SCARA3: variants seen among roughly 807,000 people sequenced by gnomAD.
SCARA3 encodes the protein scavenger receptor class A member 3, also known as cellular stress response gene protein.
A neutral mutation model predicts 47.0 loss-of-function variants in SCARA3; 39 were observed. The ratio of observed to expected loss-of-function variants is 0.83; its 90% CI spans 0.64 to 1.08. SCARA3 has a LOEUF of 1.08. Ranked by LOEUF, SCARA3 falls within the 50% of genes least tolerant of loss-of-function variation. SCARA3 has a pLI of 0.00. For missense variants in SCARA3, 724 were observed against 792.3 expected, an observed-to-expected ratio of 0.91 and a Z score of 1.04; for synonymous variants, 356 against 334.1, an observed-to-expected ratio of 1.07 and a Z score of -0.71.
At chr8:27,646,844 C>T (rs962232511) in intron 1 of SCARA3, among the ~76,000 whole-genome samples, 1 of 152,046 alleles carries the variant, frequency 6.6e-6, no homozygotes. Flanking sequence ...GGCAGATTGA[C>T]GATGGGACAG....
At chr8:27,673,584 A>T (rs1215946275), downstream of SCARA3, among the ~76,000 whole-genome samples, 1 of 152,156 alleles carries the variant, frequency 6.6e-6, no homozygotes, top group Non-Finnish European at 1.5e-5. Flanking sequence ...GGAAGTGAGC[A>T]AAAGGGCAGG....
chr8:27,660,838 CTAGCTAGA>C (rs1277568174), intron 5 of SCARA3, among the ~76,000 whole-genome samples: 360 of 49,788 alleles, frequency 7.2e-3, no homozygotes, highest in Middle Eastern at 0.025. Context: ...AGATAGCTAG[CTAGCTAGA>C]TAGATAGATA....
downstream of SCARA3, chr8:27,673,091 T>C (rs1364579207): frequency 1.3e-6 from 1 of 756,560 alleles, no homozygotes; most frequent in African/African-American, 1.9e-5. Context: ...CAGGTGGGCC[T>C]CTGAAGGAGA....
chr8:27,670,418 C>T (rs536497484), intron 5 of SCARA3, among the ~76,000 whole-genome samples: 1 of 152,334 alleles, frequency 6.6e-6, no homozygotes, highest in South Asian at 2.1e-4. Flanking sequence ...ACTGACCTTT[C>T]TCTGGGCTGT....
At chr8:27,705,564 G>C in the SCARA3 span, among the ~76,000 whole-genome samples, 1 of 152,218 alleles carries the variant, frequency 6.6e-6, no homozygotes, top group South Asian at 2.1e-4. Flanking sequence ...AATTTACTTG[G>C]CCCTTCCAAA....
At position 27,634,149 on chromosome 8, in the gene SCARA3, C is replaced by T; in HGVS notation, c.-52C>T. 1.4e-6 allele frequency: 2 copies of T among 1,451,934 alleles called. No homozygotes were observed. Among genetic ancestry groups the T allele is most frequent in the African/African-American group, 1.5e-5 (1 of 68,210 alleles). The allele number at this position is 1,451,934 out of a possible 1,614,324, so 89.9% of individuals were successfully genotyped here. ...ATCCGCCGGCCGCCCGGCTCCACTA[C>T]AGCTCCAGCCGCCTGCAGCGGGGCC... On this transcript the variant is annotated 5_prime_UTR_variant, in exon 1 of 6. Coordinates refer to ENST00000301904, the MANE Select transcript of SCARA3 (RefSeq NM_016240.3).
At position 27,646,980 on chromosome 8, in the gene SCARA3, C is replaced by G. The variant is rs1170408840; in HGVS notation, c.8-2722C>G. Among the ~76,000 whole-genome samples the G allele has an allele frequency of 1.8e-4, 20 of 113,208 alleles. 1 individual carries two copies. The highest frequency in any genetic ancestry group is 4.4e-4 in the South Asian group (1 of 2,296). The allele number at this position is 113,208 out of a possible 152,430, so 74.3% of individuals were successfully genotyped here. On this transcript the variant is annotated intron_variant, in intron 1 of 5. Transcript: ENST00000301904. The stretch of plus-strand genomic sequence containing the variant: ...CACCCCTGACCGCCCCCGCCCCCCC[C>G]CCGCACACACACACTATTGCCCCGG...
intron 3 of SCARA3, among the ~76,000 whole-genome samples, chr8:27,652,896 A>G (rs1049669306): frequency 6.6e-6 from 1 of 152,186 alleles, no homozygotes; most frequent in African/African-American, 2.4e-5. Context: ...CCCAGGCCTT[A>G]GTCATTTGTA....
the SCARA3 span, among the ~76,000 whole-genome samples, chr8:27,695,642 C>A: frequency 6.6e-6 from 1 of 152,106 alleles, no homozygotes; most frequent in Non-Finnish European, 1.5e-5. Context: ...AGGAAAATAT[C>A]GTCATAATGA....
At chr8:27,705,324 C>G in the SCARA3 span, among the ~76,000 whole-genome samples, 1 of 152,238 alleles carries the variant, frequency 6.6e-6, no homozygotes, top group Non-Finnish European at 1.5e-5. Context: ...GCTGCGGGAC[C>G]TTGGCAGACC....
downstream of SCARA3, chr8:27,679,909 C>A (rs1274928947): frequency 6.6e-6 from 1 of 151,946 alleles, no homozygotes; most frequent in African/African-American, 2.4e-5. Context: ...GGTTGACATG[C>A]AAATTCAGGA....
the SCARA3 span, among the ~76,000 whole-genome samples, chr8:27,695,618 G>A: frequency 1.3e-5 from 2 of 152,120 alleles, no homozygotes; most frequent in African/African-American, 4.8e-5. Context: ...ATGATAATAT[G>A]TTCAAAGAAC....
intron 3 of SCARA3, among the ~76,000 whole-genome samples, chr8:27,656,510 T>A (rs35603193): frequency 0.11 from 16,637 of 152,134 alleles, 1,063 homozygotes; most frequent in East Asian, 0.29. Context: ...AATTTTTTTT[T>A]AATTTTTTTT....
chr8:27,650,044 T>C (rs1193325581), intron 2 of SCARA3, among the ~76,000 whole-genome samples: 1 of 152,194 alleles, frequency 6.6e-6, no homozygotes, highest in Non-Finnish European at 1.5e-5. Flanking sequence ...TCCAGGCTAG[T>C]ATGAGTGGTG....
At chr8:27,676,160 A>C (rs1802274133), downstream of SCARA3, among the ~76,000 whole-genome samples, 1 of 152,160 alleles carries the variant, frequency 6.6e-6, no homozygotes, top group Non-Finnish European at 1.5e-5. Flanking sequence ...TGCTATACTG[A>C]GCTGCTTCTT....
the SCARA3 span, among the ~76,000 whole-genome samples, chr8:27,700,674 C>A: frequency 6.6e-6 from 1 of 151,932 alleles, no homozygotes; most frequent in South Asian, 2.1e-4. Context: ...ATATGAATGA[C>A]CATGTAAGCA....
chr8:27,721,337 T>A, the SCARA3 span, among the ~76,000 whole-genome samples: 1 of 152,200 alleles, frequency 6.6e-6, no homozygotes, highest in Non-Finnish European at 1.5e-5. Context: ...GTACCTACTA[T>A]GAACCGGGCA....
chr8:27,671,301 C>T lies in SCARA3; in HGVS notation c.1771C>T (p.Pro591Ser), dbSNP rs969792997. The T allele has an allele frequency of 1.4e-6, 2 of 1,435,574 alleles. No homozygotes were observed. The highest frequency in any genetic ancestry group is 1.8e-6 in the Non-Finnish European group (2 of 1,093,856). The allele number at this position is 1,435,574 out of a possible 1,614,324, so 88.9% of individuals were successfully genotyped here. A position where few individuals can be genotyped will look rare whatever the true frequency, so the allele number is the denominator to read the frequency against. Residue 591 changes from proline (P) to serine (S), a missense_variant, in exon 6 of 6, where the codon CCT becomes TCT. Physicochemically the swap from Pro to Ser is moderately conservative, Grantham distance 74. Transcript: ENST00000301904. ...GGGTGAACCAGGGATCCAGGGTCCC[C>T]CTGGTCTCCCGGGGCCTCCAGGTCC... ...PKGEPGIQGPPGLPGPPGPPG... is the reference protein window; with the variant it reads ...PKGEPGIQGPSGLPGPPGPPG...
chr8:27,634,204 A>T lies in SCARA3; in HGVS notation c.4A>T (p.Lys2Ter). M[K>*]VRSAGGDGDA... Reference sequence around the variant, plus strand: ...TGAGGCCCCAGAGGAAGAGACCATGAAAGGTAAGGGCGGCCTGTCGGGGGC... The same window carrying T: ...TGAGGCCCCAGAGGAAGAGACCATGTAAGGTAAGGGCGGCCTGTCGGGGGC... Residue 2 changes from lysine to a stop codon, truncating the protein, a stop_gained, in exon 1 of 6, where the codon AAA (lysine) becomes TAA (stop). Coordinates refer to ENST00000301904, the MANE Select transcript of SCARA3 (RefSeq NM_016240.3). LOFTEE classifies it high-confidence loss of function. The T allele has an allele frequency of 7.2e-7, 1 of 1,392,432 alleles. No homozygotes were observed. 86.3% of individuals were successfully genotyped at this position (1,392,432 alleles called of 1,614,324 possible).
Sources: gnomAD v4.1 joint callset for allele counts (sites outside exome capture counted in the v4.1 genomes callset) on GRCh38, gnomAD v4.1.1 for gene constraint, MANE v1.5 for transcripts, NCBI Gene and HGNC (gene_info 2026-07-23, HGNC 2026-07-21) for gene names.